The following ETS2 variants were observed in gnomAD, a reference collection of about 807,000 sequenced individuals.
ETS2 encodes ETS proto-oncogene 2, transcription factor.
ETS2 carries 19 observed loss-of-function variants against 54.9 expected under a neutral mutation model. The ratio of observed to expected loss-of-function variants is 0.35; its 90% CI spans 0.24 to 0.51. The LOEUF (loss-of-function observed/expected upper bound fraction) is 0.51, where lower values mean the gene tolerates loss of function less well. Among genes scored for constraint, ETS2 ranks in the 20% least tolerant of loss-of-function variants. The probability of loss-of-function intolerance (pLI) is 0.97; values close to 1 mark genes in which losing one functional copy is unlikely to be tolerated. For missense variants in ETS2, 417 were observed against 593.0 expected (o/e 0.70, Z 3.08); for synonymous variants, 219 against 229.3 (o/e 0.95, Z 0.41).
In ETS2 at chr21:38,814,598, T is replaced by A. The variant is rs1335384250; in HGVS notation, c.305-183T>A. Among the ~76,000 whole-genome samples the A allele has an allele frequency of 2.0e-5, 3 of 152,214 alleles. No individual in the cohort carries two copies. In the East Asian group the frequency reaches 5.8e-4, roughly 29 times the overall value. On this transcript the variant is annotated intron_variant, in intron 4 of 9. Coordinates refer to ENST00000360938, the MANE Select transcript of ETS2 (RefSeq NM_005239.6). The surrounding 1 kb of genome is among the most constrained non-coding windows in gnomAD (Gnocchi z 4.2). ...ATTAAATATGTAGTAGAAGGACGCA[T>A]TACTGGTGTCTTGAAATGTGCCTGG...
rs2060890354 is a variant in ETS2 at position 38,805,940 on chromosome 21, C to G, written c.-181C>G. The stretch of plus-strand genomic sequence containing the variant: ...GTGGGGGACGGCCCGGTTACTTCCT[C>G]CAGAGACTGACGAGTGCGGTGTCGC... On this transcript the variant is annotated 5_prime_UTR_variant, in exon 1 of 10. Transcript: ENST00000360938. This position sits in a 1 kb window ranked among gnomAD's most constrained non-coding sequence, Gnocchi z 5.2. The G allele has an allele frequency of 1.6e-6, 2 of 1,268,088 alleles. No individual in the cohort carries two copies. 78.6% of individuals were successfully genotyped at this position (1,268,088 alleles called of 1,614,324 possible). A position where few individuals can be genotyped will look rare whatever the true frequency, so the allele number is the denominator to read the frequency against.
At chr21:38,809,972 C>A in intron 1 of ETS2, 63 bp from the exon 2 acceptor site, 1 of 1,069,342 alleles carries the variant, frequency 9.4e-7, no homozygotes, top group Non-Finnish European at 1.4e-6. Context: ...CTTGATGCCA[C>A]CAATGATGAG....
intron 1 of ETS2, among the ~76,000 whole-genome samples, chr21:38,808,756 T>TC (rs2060903246): frequency 6.6e-6 from 1 of 152,216 alleles, no homozygotes; most frequent in African/African-American, 2.4e-5. Context: ...GTAAGTTCTA[T>TC]CAGTTGAATG....
At position 38,822,853 on chromosome 21, in the gene ETS2, C is replaced by G. The variant is rs753377257; in HGVS notation, c.1374C>G (p.His458Gln). Reference sequence around the variant, plus strand: ...TGGGGTTCACGCCCGAGGAACTGCACGCCATCCTGGGCGTCCAGCCCGACA... The same window carrying G: ...TGGGGTTCACGCCCGAGGAACTGCAGGCCATCCTGGGCGTCCAGCCCGACA... ...NLLGFTPEEL[H>Q]AILGVQPDTE... Residue 458 changes from histidine (H) to glutamine (Q), a missense_variant, in exon 10 of 10, where the codon CAC becomes CAG. His to Gln is a conservative substitution (Grantham distance 24). Transcript: ENST00000360938. The G allele has an allele frequency of 1.2e-6, 2 of 1,602,450 alleles. No homozygotes were observed. Among genetic ancestry groups the G allele is most frequent in the Non-Finnish European group, 8.5e-7 (1 of 1,172,062 alleles).
intron 5 of ETS2, 147 bp from the exon 6 acceptor site, chr21:38,816,861 C>T (rs893521276): frequency 4.1e-5 from 22 of 530,482 alleles, no homozygotes; most frequent in South Asian, 2.3e-4. Flanking sequence ...CAGGCAGGGA[C>T]GTGGAGCACC....
chr21:38,819,806 T>C (rs764112027), intron 8 of ETS2, 40 bp downstream of exon 8: 38 of 1,585,290 alleles, frequency 2.4e-5, no homozygotes, highest in Non-Finnish European at 3.2e-5. Context: ...CCCAGTCTCC[T>C]GGGTCCTGTC....
At chr21:38,809,151 C>T (rs748257103) in intron 1 of ETS2, among the ~76,000 whole-genome samples, 4 of 152,106 alleles carry the variant, frequency 2.6e-5, no homozygotes, top group Non-Finnish European at 4.4e-5. Flanking sequence ...CTAATATATT[C>T]GAAATATTAT....
rs746129661 is a variant in ETS2, at chr21:38,812,968, T to G, written c.73-35T>G. ...ACAGGTAATTCAATCAGTTTAAATA[T>G]TGTATTTCCATTTTTTTTCCATCTG... On this transcript the variant is annotated intron_variant, in intron 2 of 9. Transcript: ENST00000360938. 7.8e-6 allele frequency: 11 copies of G among 1,403,234 alleles called. No individual in the cohort carries two copies. In the East Asian group the frequency reaches 2.5e-4, roughly 32 times the overall value. 86.9% of individuals were successfully genotyped at this position (1,403,234 alleles called of 1,614,324 possible). A position where few individuals can be genotyped will look rare whatever the true frequency, so the allele number is the denominator to read the frequency against.
In ETS2 at chr21:38,814,494, G is replaced by T. The variant is rs913230222; in HGVS notation, c.304+102G>T. ...ATTAAGCTTTTGCTTGGGGTATTCT[G>T]CAAAGAGTAGCATGGATGTCGTTAA... On this transcript the variant is annotated intron_variant, in intron 4 of 9. Transcript: ENST00000360938. This position sits in a 1 kb window ranked among gnomAD's most constrained non-coding sequence, Gnocchi z 4.2. 12 of 1,400,632 alleles carry T rather than the reference G, an allele frequency of 8.6e-6. No homozygotes were observed. In the East Asian group the frequency reaches 1.4e-4, roughly 16 times the overall value. 86.8% of individuals were successfully genotyped at this position (1,400,632 alleles called of 1,614,324 possible).
At chr21:38,816,768 G>A (rs1387842590) in intron 5 of ETS2, among the ~76,000 whole-genome samples, 1 of 152,194 alleles carries the variant, frequency 6.6e-6, no homozygotes, top group African/African-American at 2.4e-5. Flanking sequence ...AAAATTTAGT[G>A]TTGCCAATGA....
At chr21:38,819,318 A>G (rs1202740590) in intron 7 of ETS2, among the ~76,000 whole-genome samples, 185 bp from the exon 8 acceptor site, 3 of 152,166 alleles carry the variant, frequency 2.0e-5, no homozygotes, top group African/African-American at 4.8e-5. Context: ...GATGGAAGAT[A>G]GGATTTGTGT....
At position 38,814,501 on chromosome 21, in the gene ETS2, G is replaced by A; in HGVS notation, c.304+109G>A. The A allele has an allele frequency of 1.5e-6, 2 of 1,372,820 alleles. No homozygotes were observed. The highest frequency in any genetic ancestry group is 2.0e-6 in the Non-Finnish European group (2 of 996,856). The allele number at this position is 1,372,820 out of a possible 1,614,324, so 85.0% of individuals were successfully genotyped here. On this transcript the variant is annotated intron_variant, in intron 4 of 9. Transcript: ENST00000360938. The surrounding 1 kb of genome is among the most constrained non-coding windows in gnomAD (Gnocchi z 4.2). ...TTTTGCTTGGGGTATTCTGCAAAGA[G>A]TAGCATGGATGTCGTTAACCTGAGC...
At chr21:38,820,501 C>T (rs1014059348) in intron 8 of ETS2, among the ~76,000 whole-genome samples, 7 of 151,026 alleles carry the variant, frequency 4.6e-5, no homozygotes, top group Admixed American at 3.3e-4. Context: ...AAGCCATTAT[C>T]GGTTTCATTA....
rs1273223912 is a variant in ETS2 at position 38,821,567 on chromosome 21, T to A, written c.1076-19T>A. 6.6e-7 allele frequency: 1 copy of A among 1,522,654 alleles called. No homozygotes were observed. The highest frequency in any genetic ancestry group is 9.1e-7 in the Non-Finnish European group (1 of 1,096,418). The allele number at this position is 1,522,654 out of a possible 1,614,324, so 94.3% of individuals were successfully genotyped here. A position where few individuals can be genotyped will look rare whatever the true frequency, so the allele number is the denominator to read the frequency against. ...CATCTGTGAAAGGGTATGATCCGTC[T>A]CCCTCCCTCTCCCCGCAGGAAGTGG... On this transcript the variant is annotated intron_variant, in intron 8 of 9. Transcript: ENST00000360938. This position sits in a 1 kb window ranked among gnomAD's most constrained non-coding sequence, Gnocchi z 4.2.
chr21:38,815,030 G>C, intron 5 of ETS2, 49 bp downstream of exon 5: 1 of 1,575,056 alleles, frequency 6.3e-7, no homozygotes, highest in Non-Finnish European at 8.7e-7. Flanking sequence ...AGCTGTGGCC[G>C]GGAAGACTGA....
In ETS2 at chr21:38,824,266, G is replaced by A. The variant is rs2123429476; in HGVS notation, c.*1377G>A. On this transcript the variant is annotated 3_prime_UTR_variant, in exon 10 of 10. Transcript: ENST00000360938. The stretch of plus-strand genomic sequence containing the variant: ...CTCAGTGTCCACAGCAAGATGACGT[G>A]ATTCTTATTTTCTTGGACACAGACT... 6.6e-6 allele frequency: 1 copy of A among 152,482 alleles called. No homozygotes were observed. The allele number at this position is 152,482 out of a possible 1,614,324, so 9.4% of individuals were successfully genotyped here.
upstream of ETS2, chr21:38,805,556 C>T: frequency 7.8e-7 from 1 of 1,283,814 alleles, no homozygotes; most frequent in East Asian, 5.6e-5. The surrounding 1 kb of genome is among the most constrained non-coding windows in gnomAD (Gnocchi z 5.2). Context: ...GCCCTGCTCC[C>T]GGGGCCTCAG....
chr21:38,822,946 T>C lies in ETS2; in HGVS notation c.*57T>C. On this transcript the variant is annotated 3_prime_UTR_variant, in exon 10 of 10. Transcript: ENST00000360938. ...GCTCGTGGACTGAGTGGGAAGCCCA[T>C]CCTGACCAGCTGCTCCGAGGACCCA... 1 of 1,357,450 alleles carries C rather than the reference T, an allele frequency of 7.4e-7. No individual in the cohort carries two copies. The highest frequency in any genetic ancestry group is 9.9e-7 in the Non-Finnish European group (1 of 1,013,588). The allele number at this position is 1,357,450 out of a possible 1,614,324, so 84.1% of individuals were successfully genotyped here.
At chr21:38,808,344 G>C (rs781148348) in intron 1 of ETS2, among the ~76,000 whole-genome samples, 1 of 152,194 alleles carries the variant, frequency 6.6e-6, no homozygotes. Context: ...CAATAGGAGA[G>C]ACTATTGATT....
Sources: allele counts gnomAD v4.1 joint callset (sites outside exome capture counted in the v4.1 genomes callset), GRCh38; gene constraint gnomAD v4.1.1; non-coding constraint Gnocchi (gnomAD v3.1); transcripts MANE v1.5; gene names NCBI Gene and HGNC (gene_info 2026-07-23, HGNC 2026-07-21).